The following C10orf90 variants were observed in gnomAD, a reference collection of about 807,000 sequenced individuals.
The protein encoded by C10orf90 is (E2-independent) E3 ubiquitin-conjugating enzyme FATS.
C10orf90 carries 56 observed loss-of-function variants against 62.5 expected under a neutral mutation model. The ratio of observed to expected loss-of-function variants is 0.90; its 90% CI spans 0.72 to 1.12. The LOEUF is 1.12. Ranked by LOEUF, C10orf90 falls within the 50% of genes most tolerant of loss-of-function variation. The probability of loss-of-function intolerance (pLI) is 0.00; values close to 1 mark genes in which losing one functional copy is unlikely to be tolerated. For missense variants in C10orf90, 970 were observed against 880.4 expected, an observed-to-expected ratio of 1.10 and a Z score of -1.29; for synonymous variants, 386 against 340.4, an observed-to-expected ratio of 1.13 and a Z score of -1.47.
chr10:126,443,684 TCA>T (rs993832671), intron 7 of C10orf90, among the ~76,000 whole-genome samples: 30 of 151,998 alleles, frequency 2.0e-4, no homozygotes, highest in African/African-American at 7.3e-4. Flanking sequence ...GAAGCCAGCA[TCA>T]CCTTAATACG....
rs562357386 is a variant in C10orf90, at chr10:126,482,149, A to G, written c.1535-17163T>C. On this transcript the variant is annotated intron_variant, in intron 4 of 9. Transcript: ENST00000488181. ...GAAGCTTTGGATCTTCATCTTCAAG[A>G]CTCCCGTGTCATGTAAAACTAGGAT... is the stretch of plus-strand genomic sequence containing the variant. Among the ~76,000 whole-genome samples the G allele has an allele frequency of 5.9e-5, 9 of 151,930 alleles. No homozygotes were observed. The South Asian group carries it at 1.7e-3, about 28-fold the overall frequency.
At position 126,659,391 on chromosome 10, in the gene C10orf90, A is replaced by G. The variant is rs138508856; in HGVS notation, c.240+10850T>C. On this transcript the variant is annotated intron_variant, in intron 1 of 9. Transcript: ENST00000488181. The stretch of plus-strand genomic sequence containing the variant: ...CCCTGACATAGGCCCTTGGTTGCCA[A>G]TGCACTTGCCCCTGGCTGCTGGCTA... Among the ~76,000 whole-genome samples, 17 of 152,360 alleles carry G rather than the reference A, an allele frequency of 1.1e-4. No homozygotes were observed. In the East Asian group the frequency reaches 3.1e-3, roughly 28 times the overall value.
intron 2 of C10orf90, among the ~76,000 whole-genome samples, chr10:126,622,052 T>C (rs1404844835): frequency 6.6e-6 from 1 of 151,948 alleles, no homozygotes; most frequent in African/African-American, 2.4e-5. Context: ...TGGGTCCTCC[T>C]CCCATTTTCT....
chr10:126,557,986 C>A lies in C10orf90; in HGVS notation c.314-44047G>T, dbSNP rs181173692. On this transcript the variant is annotated intron_variant, in intron 2 of 9. Transcript: ENST00000488181. ...ATTCGCCAGTCCACTCCTCTCCCAGCCAATGATGCAGTCCTGCTGGCAGCC... is the reference window on the plus strand; with the variant it reads ...ATTCGCCAGTCCACTCCTCTCCCAGACAATGATGCAGTCCTGCTGGCAGCC... 4.8e-3 allele frequency among the ~76,000 whole-genome samples: 729 copies of A among 152,248 alleles called. 10 individuals carry two copies. The highest frequency in any genetic ancestry group is 0.017 in the African/African-American group (687 of 41,522).
chr10:126,654,151 A>G (rs1372269925), intron 1 of C10orf90, among the ~76,000 whole-genome samples: 2 of 152,166 alleles, frequency 1.3e-5, no homozygotes, highest in Non-Finnish European at 2.9e-5. Flanking sequence ...ATTGGTTTCA[A>G]CTTAAGTTAC....
At chr10:126,544,756 G>A (rs953586777) in intron 2 of C10orf90, among the ~76,000 whole-genome samples, 3 of 152,138 alleles carry the variant, frequency 2.0e-5, no homozygotes, top group Admixed American at 2.0e-4. Flanking sequence ...CATGGGCTGG[G>A]AGAGGTCCTC....
At chr10:126,565,944 G>T (rs565666265) in intron 2 of C10orf90, among the ~76,000 whole-genome samples, 1 of 152,134 alleles carries the variant, frequency 6.6e-6, no homozygotes, top group Non-Finnish European at 1.5e-5. Context: ...GCTCCTCCAC[G>T]TCCCCTTATC....
In C10orf90 at chr10:126,464,820, CT is replaced by C. The variant is rs1564811087; in HGVS notation, c.1700del (p.Glu567GlyfsTer8). The stretch of plus-strand genomic sequence containing the variant: ...GTTTCAGGAAGCTTTGATGTCGTCT[CT>C]CTGTGGGCTCAGAAAGGTCTCTAGA... ...CLSRDLSEPT[E>X]RRHQSFLKPR... On this transcript the variant is annotated frameshift_variant, in exon 5 of 10. Coordinates refer to ENST00000488181, the MANE Select transcript of C10orf90 (RefSeq NM_001350921.2). LOFTEE classifies it high-confidence loss of function. 6.2e-7 allele frequency: 1 copy of C among 1,614,136 alleles called. No individual in the cohort carries two copies. Among genetic ancestry groups the C allele is most frequent in the East Asian group, 2.2e-5 (1 of 44,866 alleles).
intron 2 of C10orf90, among the ~76,000 whole-genome samples, chr10:126,528,586 G>C (rs1247384893): frequency 1.3e-5 from 2 of 152,210 alleles, no homozygotes; most frequent in African/African-American, 2.4e-5. Context: ...CAATTCTGCA[G>C]TGGCAATACC....
intron 2 of C10orf90, among the ~76,000 whole-genome samples, chr10:126,641,190 T>C (rs1014652694): frequency 6.6e-6 from 1 of 152,216 alleles, no homozygotes; most frequent in African/African-American, 2.4e-5. Flanking sequence ...GGTTCTGGGA[T>C]GTTTTTAAGG....
chr10:126,559,539 T>C (rs1316400786), intron 2 of C10orf90, among the ~76,000 whole-genome samples: 2 of 152,166 alleles, frequency 1.3e-5, no homozygotes, highest in Non-Finnish European at 1.5e-5. Context: ...GCCACCTGCC[T>C]TAAGGAGGCT....
intron 2 of C10orf90, among the ~76,000 whole-genome samples, chr10:126,616,758 C>T (rs188022735): frequency 6.6e-6 from 1 of 152,282 alleles, no homozygotes; most frequent in East Asian, 1.9e-4. Context: ...CAATTCATGC[C>T]ACTTGAAGAG....
At chr10:126,469,285 A>T (rs1037757984) in intron 4 of C10orf90, among the ~76,000 whole-genome samples, 4 of 152,226 alleles carry the variant, frequency 2.6e-5, no homozygotes, top group Non-Finnish European at 5.9e-5. Context: ...TTGAAGATGA[A>T]ACTTAGCTCT....
chr10:126,667,577 A>G (rs540000306), intron 1 of C10orf90, among the ~76,000 whole-genome samples: 1 of 152,290 alleles, frequency 6.6e-6, no homozygotes, highest in South Asian at 2.1e-4. Flanking sequence ...ACCATCAGAA[A>G]GGTCTCCACA....
chr10:126,619,040 C>G lies in C10orf90; in HGVS notation c.313+27525G>C, dbSNP rs140941027. On this transcript the variant is annotated intron_variant, in intron 2 of 9. Transcript: ENST00000488181. ...GTCTTTTGCAGGGACATGGATGGAG[C>G]TGGAAGGCATTATCCTTAGCAAGTA... is the stretch of plus-strand genomic sequence containing the variant. Among the ~76,000 whole-genome samples the G allele has an allele frequency of 2.5e-3, 385 of 152,266 alleles. 5 individuals carry two copies. The highest frequency in any genetic ancestry group is 8.4e-4 in the Non-Finnish European group (57 of 68,024).
intron 2 of C10orf90, among the ~76,000 whole-genome samples, chr10:126,554,394 G>A (rs1325381781): frequency 6.6e-6 from 1 of 152,092 alleles, no homozygotes; most frequent in Non-Finnish European, 1.5e-5. Flanking sequence ...GATGAGGAAA[G>A]CCTTCGGAAT....
At chr10:126,576,912 A>G (rs982476299) in intron 2 of C10orf90, among the ~76,000 whole-genome samples, 8 of 151,424 alleles carry the variant, frequency 5.3e-5, no homozygotes, top group African/African-American at 1.9e-4. Flanking sequence ...GTTAAATGCC[A>G]TATGTTCTCA....
At chr10:126,647,612 C>T (rs941999022) in intron 1 of C10orf90, among the ~76,000 whole-genome samples, 3 of 152,220 alleles carry the variant, frequency 2.0e-5, no homozygotes, top group Non-Finnish European at 4.4e-5. Context: ...CTAACCTGGG[C>T]TGAGAGCCAG....
intron 6 of C10orf90, among the ~76,000 whole-genome samples, chr10:126,459,915 T>G (rs914190333): frequency 1.2e-4 from 19 of 152,248 alleles, no homozygotes; most frequent in African/African-American, 4.6e-4. Context: ...GCTAGGTGCT[T>G]GATGTGTATT....
Sources: gnomAD v4.1 joint callset for allele counts (sites outside exome capture counted in the v4.1 genomes callset) on GRCh38, gnomAD v4.1.1 for gene constraint, MANE v1.5 for transcripts, NCBI Gene and HGNC (gene_info 2026-07-23, HGNC 2026-07-21) for gene names.